Variants in LIMS1 observed in about 807,000 individuals in gnomAD.
The protein encoded by LIMS1 is LIM and senescent cell antigen-like-containing domain protein 1.
A neutral mutation model predicts 44.1 loss-of-function variants in LIMS1; 18 were observed. That is an observed-to-expected ratio of 0.41 (90% CI 0.28 to 0.61). The LOEUF is 0.61. Ranked by LOEUF, LIMS1 falls within the 20% of genes least tolerant of loss-of-function variation. The pLI, the probability that LIMS1 is intolerant of heterozygous loss-of-function variation, is 0.32. For missense variants in LIMS1, 201 were observed against 422.0 expected (o/e 0.48, Z 4.59); for synonymous variants, 93 against 149.1 (o/e 0.62, Z 2.74).
At chr2:108,571,710 A>G (rs932982772) in intron 1 of LIMS1, among the ~76,000 whole-genome samples, 2 of 152,196 alleles carry the variant, frequency 1.3e-5, no homozygotes, top group Non-Finnish European at 2.9e-5. Context: ...AGTGAATCTT[A>G]AACGTTTAAT....
rs546489722 is a variant in LIMS1 at position 108,607,371 on chromosome 2, C to T, written c.33-52234C>T. On this transcript the variant is annotated intron_variant, in intron 1 of 9. Coordinates refer to ENST00000544547, the Ensembl canonical transcript of LIMS1. ...ATCACATAAATAGTACATGTGTGCACATATAGAAGTGATTTTTACACAAGG... is the reference window on the plus strand; with the variant it reads ...ATCACATAAATAGTACATGTGTGCATATATAGAAGTGATTTTTACACAAGG... The T allele has an allele frequency of 2.5e-4, 249 of 981,002 alleles. 2 individuals are homozygous for T. The South Asian group carries it at 3.4e-3, about 13-fold the overall frequency. The allele number at this position is 981,002 out of a possible 1,614,324, so 60.8% of individuals were successfully genotyped here.
chr2:108,535,329 G>C (rs1291801120), intron 1 of LIMS1, among the ~76,000 whole-genome samples: 1 of 152,196 alleles, frequency 6.6e-6, no homozygotes, highest in African/African-American at 2.4e-5. Context: ...CCAAAACTAC[G>C]TAAGTGGAAG....
intron 7 of LIMS1, chr2:108,677,205 T>C (rs1692629019): frequency 6.5e-6 from 1 of 153,198 alleles, no homozygotes; most frequent in Non-Finnish European, 1.5e-5. Flanking sequence ...CCTTCTTAAA[T>C]CTGGAACGTT....
intron 1 of LIMS1, among the ~76,000 whole-genome samples, chr2:108,637,631 T>C (rs1689367759): frequency 6.6e-6 from 1 of 152,222 alleles, no homozygotes; most frequent in Admixed American, 6.5e-5. Context: ...CATTCTGTAT[T>C]GGAAACACAG....
chr2:108,676,404 G>A (rs1692567840), intron 6 of LIMS1, among the ~76,000 whole-genome samples: 1 of 152,106 alleles, frequency 6.6e-6, no homozygotes, highest in African/African-American at 2.4e-5. Context: ...ATTATAATAG[G>A]CTATGTCTTA....
At chr2:108,602,941 AT>A (rs1050932805) in intron 1 of LIMS1, among the ~76,000 whole-genome samples, 6 of 151,502 alleles carry the variant, frequency 4.0e-5, no homozygotes, top group African/African-American at 1.5e-4. Context: ...AATTTTTTGT[AT>A]TTTTTTGCAG....
At chr2:108,566,330 G>T (rs1202340502) in intron 1 of LIMS1, among the ~76,000 whole-genome samples, 1 of 152,186 alleles carries the variant, frequency 6.6e-6, no homozygotes, top group Non-Finnish European at 1.5e-5. Flanking sequence ...GCAATCCCCA[G>T]AAGAAGAATT....
rs537046490 is a variant in LIMS1 at position 108,570,166 on chromosome 2, C to T, written c.32+35572C>T. On this transcript the variant is annotated intron_variant, in intron 1 of 9. Coordinates refer to ENST00000544547, the Ensembl canonical transcript of LIMS1. ...TAATACTAGGCCGGGAATGGTGGCT[C>T]ACGCCTGTAATCCCAGCACTTTGGG... is the stretch of plus-strand genomic sequence containing the variant. Among the ~76,000 whole-genome samples, 22 of 152,182 alleles carry T rather than the reference C, an allele frequency of 1.4e-4. No individual in the cohort carries two copies. The East Asian group carries it at 3.9e-3, about 27-fold the overall frequency.
intron 1 of LIMS1, among the ~76,000 whole-genome samples, chr2:108,648,746 T>C (rs1690250337): frequency 6.6e-6 from 1 of 152,186 alleles, no homozygotes; most frequent in Non-Finnish European, 1.5e-5. Flanking sequence ...GTTTCCCTAT[T>C]TAATAAATGG....
chr2:108,536,442 T>C (rs753323734), intron 1 of LIMS1, among the ~76,000 whole-genome samples: 15 of 152,244 alleles, frequency 9.9e-5, no homozygotes, highest in Non-Finnish European at 1.9e-4. Flanking sequence ...GTGCATGTCA[T>C]AGTTTGTTCC....
At chr2:108,610,576 C>A (rs2104752135) in intron 1 of LIMS1, among the ~76,000 whole-genome samples, 1 of 152,256 alleles carries the variant, frequency 6.6e-6, no homozygotes, top group Admixed American at 6.5e-5. Context: ...GATGGACATG[C>A]TATTACCATA....
At chr2:108,607,220 T>C in intron 1 of LIMS1, 2 of 1,551,126 alleles carry the variant, frequency 1.3e-6, no homozygotes, top group South Asian at 2.4e-5. Context: ...GACAGCCAGC[T>C]GATGAGGGAC....
intron 1 of LIMS1, among the ~76,000 whole-genome samples, chr2:108,622,767 GA>G (rs1321907006): frequency 6.6e-6 from 1 of 152,094 alleles, no homozygotes; most frequent in Non-Finnish European, 1.5e-5. Flanking sequence ...ATGGATCCAA[GA>G]GTGAAGTTAC....
At chr2:108,554,651 A>G (rs189338670) in intron 1 of LIMS1, among the ~76,000 whole-genome samples, 302 of 152,284 alleles carry the variant, frequency 2.0e-3, no homozygotes, top group African/African-American at 7.0e-3. Flanking sequence ...GCACTATTCA[A>G]TATCCGTGCC....
intron 1 of LIMS1, among the ~76,000 whole-genome samples, chr2:108,631,106 T>C (rs932234811): frequency 1.3e-5 from 2 of 152,224 alleles, no homozygotes; most frequent in Non-Finnish European, 2.9e-5. Flanking sequence ...TTCTAGCCTC[T>C]GGCTTAAGAA....
At chr2:108,569,758 A>T (rs1389969741) in intron 1 of LIMS1, among the ~76,000 whole-genome samples, 1 of 74,884 alleles carries the variant, frequency 1.3e-5, no homozygotes, top group Admixed American at 1.8e-4. Context: ...TCACCGCCAT[A>T]TCTGGCTTTT....
In LIMS1 at chr2:108,675,838, T is replaced by C. The variant is rs773285981; in HGVS notation, c.531-40T>C. The stretch of plus-strand genomic sequence containing the variant: ...GCTAGCCCCATTGGTTGGCCACTTT[T>C]CTCTCTTAGTATTAAGCTGTGTGTC... On this transcript the variant is annotated intron_variant, in intron 5 of 9. Transcript: ENST00000544547. 3 of 1,613,606 alleles carry C rather than the reference T, an allele frequency of 1.9e-6. No individual in the cohort carries two copies. The African/African-American group carries it at 4.0e-5, about 22-fold the overall frequency.
At chr2:108,602,176 T>G (rs1687052559) in intron 1 of LIMS1, among the ~76,000 whole-genome samples, 1 of 152,250 alleles carries the variant, frequency 6.6e-6, no homozygotes, top group Non-Finnish European at 1.5e-5. Flanking sequence ...TTACTGAATT[T>G]ATCAACTCTA....
At chr2:108,618,007 T>C (rs1688022810) in intron 1 of LIMS1, among the ~76,000 whole-genome samples, 5 of 152,212 alleles carry the variant, frequency 3.3e-5, no homozygotes, top group Admixed American at 2.6e-4. Flanking sequence ...CCACTGGGCA[T>C]GTGGGGGAAA....
Sources: allele counts gnomAD v4.1 joint callset (sites outside exome capture counted in the v4.1 genomes callset), GRCh38; gene constraint gnomAD v4.1.1; transcripts MANE v1.5; gene names NCBI Gene and HGNC (gene_info 2026-07-23, HGNC 2026-07-21).